MAP4K5: variants seen among roughly 807,000 people sequenced by gnomAD.
MAP4K5 encodes MAPK/ERK kinase kinase kinase 5.
In MAP4K5, 82 loss-of-function variants were observed where a neutral mutation model predicts 135.6. The ratio of observed to expected loss-of-function variants is 0.60; its 90% CI spans 0.51 to 0.73. The LOEUF is 0.73. MAP4K5 is among the 30% of genes least tolerant of loss of function. The pLI, the probability that MAP4K5 is intolerant of heterozygous loss-of-function variation, is 0.00. For missense variants in MAP4K5, 907 were observed against 1,010.9 expected (o/e 0.90, Z 1.39); for synonymous variants, 347 against 335.0 (o/e 1.04, Z -0.39).
At chr14:50,434,324 T>C in intron 28 of MAP4K5, 70 bp downstream of exon 28, 1 of 1,225,836 alleles carries the variant, frequency 8.2e-7, no homozygotes, top group Middle Eastern at 2.0e-4. Context: ...TTGCTTCTTT[T>C]ATAGGTGGTG....
Position 50,446,010 on chromosome 14 carries a change from A to C in MAP4K5, c.1185+69T>G, listed in dbSNP as rs528473754. 4.6e-5 allele frequency: 50 copies of C among 1,076,630 alleles called. No individual in the cohort carries two copies. The South Asian group carries it at 7.4e-4, about 16-fold the overall frequency. The allele number at this position is 1,076,630 out of a possible 1,614,324, so 66.7% of individuals were successfully genotyped here. On this transcript the variant is annotated intron_variant, in intron 17 of 32. Coordinates refer to ENST00000682126, the MANE Select transcript of MAP4K5 (RefSeq NM_006575.6). ...TTAAGAAAATTTTGAAAAAACTCAA[A>C]ATTATTTTAAAAATTTAACTATATT...
At chr14:50,546,247 T>C (rs1489317146) in intron 1 of MAP4K5, among the ~76,000 whole-genome samples, 1 of 152,192 alleles carries the variant, frequency 6.6e-6, no homozygotes, top group East Asian at 1.9e-4. Flanking sequence ...GCAAATAAAG[T>C]TTAGCCATAT....
At chr14:50,540,643 G>A (rs1406443672) in intron 2 of MAP4K5, among the ~76,000 whole-genome samples, 2 of 152,146 alleles carry the variant, frequency 1.3e-5, no homozygotes, top group Non-Finnish European at 2.9e-5. Context: ...CAAAATTCCA[G>A]TGATTAAAGT....
rs1490443308 is a variant in MAP4K5 at position 50,419,142 on chromosome 14, T to C, written c.*877A>G. ...GCTACATTAGGGATGATAATATATA[T>C]GAAGATTAATTCCTTATGCATTATC... On this transcript the variant is annotated 3_prime_UTR_variant, in exon 33 of 33. Coordinates refer to ENST00000682126, the MANE Select transcript of MAP4K5 (RefSeq NM_006575.6). 6.6e-6 allele frequency: 1 copy of C among 152,122 alleles called. No homozygotes were observed. Among genetic ancestry groups the C allele is most frequent in the Non-Finnish European group, 1.5e-5 (1 of 67,978 alleles). The allele number at this position is 152,122 out of a possible 1,614,324, so 9.4% of individuals were successfully genotyped here.
intron 2 of MAP4K5, among the ~76,000 whole-genome samples, chr14:50,514,796 G>A (rs1448668525): frequency 6.6e-6 from 1 of 151,290 alleles, no homozygotes; most frequent in East Asian, 2.0e-4. Flanking sequence ...GGAATATAAA[G>A]ATATAAAGAG....
chr14:50,467,221 G>A (rs2036852451), intron 10 of MAP4K5, among the ~76,000 whole-genome samples: 1 of 151,906 alleles, frequency 6.6e-6, no homozygotes, highest in South Asian at 2.1e-4. Flanking sequence ...GTATGATAGA[G>A]GATTTAAGAA....
At chr14:50,459,170 TC>T (rs1365726738) in intron 13 of MAP4K5, among the ~76,000 whole-genome samples, 2 of 152,184 alleles carry the variant, frequency 1.3e-5, no homozygotes, top group African/African-American at 4.8e-5. Context: ...CATATCTAGC[TC>T]CTTACTAGAC....
intron 5 of MAP4K5, 101 bp from the exon 6 acceptor site, chr14:50,482,517 G>A (rs748028138): frequency 1.9e-5 from 14 of 742,398 alleles, no homozygotes; most frequent in African/African-American, 3.8e-5. Context: ...AGTGGCTCAC[G>A]CCTGTAATCC....
intron 32 of MAP4K5, among the ~76,000 whole-genome samples, chr14:50,420,766 C>G (rs73286511): frequency 0.091 from 13,834 of 152,022 alleles, 730 homozygotes; most frequent in African/African-American, 0.16. Flanking sequence ...CTAAGAGACA[C>G]TCGTCCAAAC....
chr14:50,497,359 A>T (rs1341232085), intron 3 of MAP4K5, among the ~76,000 whole-genome samples: 1 of 152,260 alleles, frequency 6.6e-6, no homozygotes, highest in Non-Finnish European at 1.5e-5. Context: ...CTTCAAATTA[A>T]CATTTTCCAT....
chr14:50,442,879 ATAAC>A (rs1161374880), intron 20 of MAP4K5, 63 bp from the exon 21 acceptor site: 8 of 915,838 alleles, frequency 8.7e-6, no homozygotes, highest in South Asian at 1.6e-5. Context: ...TTCTTGGAAA[ATAAC>A]TAACATCATT....
chr14:50,515,604 GA>G (rs1374373378), intron 2 of MAP4K5, among the ~76,000 whole-genome samples: 1 of 151,722 alleles, frequency 6.6e-6, no homozygotes, highest in Non-Finnish European at 1.5e-5. Context: ...ACAGTTACTA[GA>G]AAAAAAATGA....
chr14:50,455,850 C>T (rs2036584817), intron 14 of MAP4K5, among the ~76,000 whole-genome samples: 2 of 152,000 alleles, frequency 1.3e-5, no homozygotes, highest in African/African-American at 2.4e-5. Flanking sequence ...AGAACTAAAA[C>T]GTCTTTACGA....
intron 28 of MAP4K5, 109 bp downstream of exon 28, chr14:50,434,285 G>A (rs1370900019): frequency 1.3e-6 from 1 of 756,028 alleles, no homozygotes; most frequent in African/African-American, 1.8e-5. Context: ...ACTATGTTTT[G>A]AATATTTAAA....
rs373633741 is a variant in MAP4K5, at chr14:50,538,543, T to C, written c.-94+3956A>G. ...CAGATTACAAATAATCTTACACTGT[T>C]CCTTATTGGTTTCCTCACGCAATAA... is the stretch of plus-strand genomic sequence containing the variant. On this transcript the variant is annotated intron_variant, in intron 2 of 8. Coordinates refer to the MAP4K5 transcript ENST00000555216. Among the ~76,000 whole-genome samples the C allele has an allele frequency of 7.2e-5, 11 of 152,326 alleles. No homozygotes were observed. In the East Asian group the frequency reaches 7.7e-4, roughly 11 times the overall value.
chr14:50,486,697 G>A (rs1488843715), intron 3 of MAP4K5, among the ~76,000 whole-genome samples: 2 of 152,084 alleles, frequency 1.3e-5, no homozygotes, highest in South Asian at 2.1e-4. Context: ...TTGGGAGGCC[G>A]AGGTGGGCGG....
chr14:50,449,533 T>G (rs1214562413), intron 14 of MAP4K5: 2 of 152,124 alleles, frequency 1.3e-5, no homozygotes, highest in African/African-American at 4.8e-5. Context: ...AAATACAATC[T>G]TAGGAAACAA....
At chr14:50,460,431 C>A (rs1320765974) in intron 13 of MAP4K5, among the ~76,000 whole-genome samples, 2 of 151,934 alleles carry the variant, frequency 1.3e-5, no homozygotes, top group African/African-American at 4.8e-5. Flanking sequence ...GGAAGCCCAG[C>A]AAAACGAGAT....
intron 2 of MAP4K5, among the ~76,000 whole-genome samples, chr14:50,542,188 G>GAGTTACCC: frequency 6.6e-6 from 1 of 150,610 alleles, no homozygotes; most frequent in Admixed American, 6.7e-5. Flanking sequence ...TAGAAATTGG[G>GAGTTACCC]AGTTACCCTG....
Sources: gnomAD v4.1 joint callset for allele counts (sites outside exome capture counted in the v4.1 genomes callset) on GRCh38, gnomAD v4.1.1 for gene constraint, MANE v1.5 for transcripts, NCBI Gene and HGNC (gene_info 2026-07-23, HGNC 2026-07-21) for gene names.